The following KAZN variants were observed in gnomAD, a reference collection of about 807,000 sequenced individuals.
KAZN encodes kazrin.
Under a neutral mutation model 87.4 loss-of-function variants are expected in KAZN, and 40 were observed. That is an observed-to-expected ratio of 0.46 (90% CI 0.36 to 0.60). The LOEUF (loss-of-function observed/expected upper bound fraction) is 0.60. Among genes scored for constraint, KAZN ranks in the 20% least tolerant of loss-of-function variants. KAZN has a pLI of 0.00. For synonymous variants in KAZN, 466 were observed against 458.3 expected (o/e 1.02, Z -0.22); for missense variants, 898 against 1,073.9 (o/e 0.84, Z 2.29).
At chr1:14,323,128 T>G (rs1383127173) in intron 2 of KAZN, among the ~76,000 whole-genome samples, 1 of 151,760 alleles carries the variant, frequency 6.6e-6, no homozygotes, top group Non-Finnish European at 1.5e-5. Flanking sequence ...CAACCTAGTC[T>G]CTCCCTTGAC....
intron 1 of KAZN, among the ~76,000 whole-genome samples, chr1:14,054,728 G>T (rs1642478740): frequency 6.6e-6 from 1 of 152,176 alleles, no homozygotes; most frequent in Admixed American, 6.5e-5. Context: ...AGGATTGTTT[G>T]TTCATTTGCT....
chr1:14,038,092 T>A (rs927534902), intron 1 of KAZN, among the ~76,000 whole-genome samples: 1 of 152,152 alleles, frequency 6.6e-6, no homozygotes. Flanking sequence ...TTCAGTAAGG[T>A]TTGTTGGGCA....
At chr1:15,111,251 A>G (rs1458162412) in intron 13 of KAZN, among the ~76,000 whole-genome samples, 1 of 66,754 alleles carries the variant, frequency 1.5e-5, no homozygotes, top group Non-Finnish European at 2.8e-5. Context: ...AAAAGATGCT[A>G]GAAGGTTCTG....
intron 1 of KAZN, among the ~76,000 whole-genome samples, chr1:14,626,078 G>A (rs866636687): frequency 1.2e-4 from 19 of 152,118 alleles, no homozygotes; most frequent in African/African-American, 3.9e-4. Flanking sequence ...TCCTTCCTTC[G>A]TTCTCATACC....
chr1:14,666,616 G>A (rs1054234228), intron 1 of KAZN, among the ~76,000 whole-genome samples: 2 of 152,174 alleles, frequency 1.3e-5, no homozygotes, highest in African/African-American at 4.8e-5. Flanking sequence ...GCCTCTGGGG[G>A]AGGATACTTC....
At chr1:14,228,175 G>T (rs529630911) in intron 2 of KAZN, among the ~76,000 whole-genome samples, 1 of 152,204 alleles carries the variant, frequency 6.6e-6, no homozygotes, top group South Asian at 2.1e-4. Flanking sequence ...TGATGATGTT[G>T]TTGATATTGG....
chr1:14,149,483 G>A (rs552733941), intron 1 of KAZN, among the ~76,000 whole-genome samples: 1 of 152,080 alleles, frequency 6.6e-6, no homozygotes, highest in Non-Finnish European at 1.5e-5. Flanking sequence ...CCAGTCCCAA[G>A]TCTTTCCGGA....
chr1:14,499,326 A>G (rs1393400415), intron 2 of KAZN, among the ~76,000 whole-genome samples: 3 of 152,190 alleles, frequency 2.0e-5, no homozygotes, highest in African/African-American at 7.2e-5. Context: ...TCTCTTGCAC[A>G]TCTCACTTTT....
Position 14,540,053 on chromosome 1 carries a change from G to C in KAZN, c.250-58930G>C, listed in dbSNP as rs907166563. 9.2e-5 allele frequency among the ~76,000 whole-genome samples: 14 copies of C among 152,312 alleles called. 1 individual carries two copies. In the South Asian group the frequency reaches 2.9e-3, roughly 32 times the overall value. ...ACTAGGGGAGAGAGGGATGTGAAAA[G>C]TCCAAAGGAGACGAAATTGCTTTAC... is the stretch of plus-strand genomic sequence containing the variant. On this transcript the variant is annotated intron_variant, in intron 2 of 16. Coordinates refer to the KAZN transcript ENST00000636203.
Position 14,581,038 on chromosome 1 carries a change from A to G in KAZN, c.250-17945A>G, listed in dbSNP as rs1557814096. On this transcript the variant is annotated intron_variant, in intron 2 of 16. Coordinates refer to the KAZN transcript ENST00000636203. ...CCCTGGGCCTTTCCCTTCTCTTTCA[A>G]CATGGATTTGTTAGATTTCATCCAC... Among the ~76,000 whole-genome samples the G allele has an allele frequency of 5.3e-5, 8 of 152,086 alleles. No homozygotes were observed. In the South Asian group the frequency reaches 1.7e-3, roughly 32 times the overall value.
chr1:14,553,581 G>A (rs1041991665), intron 2 of KAZN, among the ~76,000 whole-genome samples: 28 of 152,174 alleles, frequency 1.8e-4, no homozygotes, highest in Non-Finnish European at 4.0e-4. Context: ...GCATGGACGT[G>A]GCTGGACCAG....
intron 2 of KAZN, among the ~76,000 whole-genome samples, chr1:14,411,536 T>TCTGC (rs911129794): frequency 2.4e-4 from 37 of 152,312 alleles, no homozygotes; most frequent in African/African-American, 8.9e-4. Flanking sequence ...CCTCAAATGA[T>TCTGC]CTGCCTGCCT....
chr1:14,205,393 A>C (rs929929611), intron 2 of KAZN, among the ~76,000 whole-genome samples: 5 of 152,196 alleles, frequency 3.3e-5, no homozygotes, highest in African/African-American at 1.2e-4. Flanking sequence ...GTGAAGAGGT[A>C]ATAAAAATGT....
At chr1:13,915,410 T>C (rs1639811214) in intron 1 of KAZN, among the ~76,000 whole-genome samples, 2 of 152,244 alleles carry the variant, frequency 1.3e-5, no homozygotes, top group African/African-American at 4.8e-5. Context: ...AACATAGTTG[T>C]AAGTATAATT....
intron 1 of KAZN, among the ~76,000 whole-genome samples, chr1:14,753,578 T>G (rs1382028338): frequency 6.6e-6 from 1 of 151,020 alleles, no homozygotes; most frequent in Admixed American, 6.6e-5. Flanking sequence ...TTTTTTTACT[T>G]AAAATTAAAA....
intron 1 of KAZN, among the ~76,000 whole-genome samples, chr1:14,149,024 C>G (rs1276242100): frequency 1.3e-5 from 2 of 151,474 alleles, no homozygotes; most frequent in Non-Finnish European, 2.9e-5. Flanking sequence ...GCCAGTGCTT[C>G]CACATACAGC....
At chr1:14,166,794 TTTGA>T (rs1281581241) in intron 1 of KAZN, among the ~76,000 whole-genome samples, 2 of 152,242 alleles carry the variant, frequency 1.3e-5, no homozygotes, top group African/African-American at 4.8e-5. Flanking sequence ...TTCACTTATA[TTTGA>T]TTATTTCCGT....
chr1:14,858,863 C>T (rs1326866344), intron 1 of KAZN, among the ~76,000 whole-genome samples: 2 of 152,126 alleles, frequency 1.3e-5, no homozygotes, highest in Non-Finnish European at 2.9e-5. Context: ...ATGTTGTCCT[C>T]GGTCTCTCAT....
intron 1 of KAZN, among the ~76,000 whole-genome samples, chr1:13,952,338 A>G (rs1180574860): frequency 1.6e-3 from 3 of 1,912 alleles, no homozygotes; most frequent in Non-Finnish European, 3.8e-3. Flanking sequence ...AATGGAGATA[A>G]TAATAATAAT....
Sources: gnomAD v4.1 joint callset for allele counts (sites outside exome capture counted in the v4.1 genomes callset) on GRCh38, gnomAD v4.1.1 for gene constraint, MANE v1.5 for transcripts, NCBI Gene and HGNC (gene_info 2026-07-23, HGNC 2026-07-21) for gene names.